Variants in SUN3 observed in about 807,000 individuals in gnomAD.
SUN3 encodes the protein Sad1 and UNC84 domain containing 3, also known as SUN domain-containing protein 3.
A neutral mutation model predicts 48.2 loss-of-function variants in SUN3; 36 were observed. That is an observed-to-expected ratio of 0.75 (90% CI 0.57 to 0.99). The LOEUF (loss-of-function observed/expected upper bound fraction) is 0.99, where lower values mean the gene tolerates loss of function less well. Ranked by LOEUF, SUN3 falls within the 50% of genes least tolerant of loss-of-function variation. The pLI is 0.00. For synonymous variants in SUN3, 148 were observed against 147.9 expected, an observed-to-expected ratio of 1.00 and a Z score of 0.00; for missense variants, 419 against 433.1, an observed-to-expected ratio of 0.97 and a Z score of 0.29.
At chr7:48,005,492 T>C (rs1164825488) in intron 6 of SUN3, among the ~76,000 whole-genome samples, 2 of 152,180 alleles carry the variant, frequency 1.3e-5, no homozygotes, top group Non-Finnish European at 2.9e-5. Flanking sequence ...CCATAGACTA[T>C]TATAGGCAGG....
At chr7:47,987,987 C>A (rs1368569589) in intron 9 of SUN3, among the ~76,000 whole-genome samples, 3 of 152,106 alleles carry the variant, frequency 2.0e-5, no homozygotes, top group Admixed American at 1.3e-4. Flanking sequence ...GCTGTTTCCC[C>A]CCTCTACACT....
intron 6 of SUN3, among the ~76,000 whole-genome samples, chr7:48,004,763 C>G (rs945075521): frequency 2.0e-5 from 3 of 152,238 alleles, no homozygotes; most frequent in African/African-American, 4.8e-5. Flanking sequence ...TGCTGCCTGC[C>G]TCAGCCTAGG....
At chr7:48,021,924 A>G (rs1790008473) in intron 2 of SUN3, among the ~76,000 whole-genome samples, 1 of 152,208 alleles carries the variant, frequency 6.6e-6, no homozygotes, top group South Asian at 2.1e-4. Flanking sequence ...TGTTGGGCAT[A>G]TACCCAAGAT....
intron 8 of SUN3, among the ~76,000 whole-genome samples, chr7:47,989,741 C>A (rs1788999309): frequency 6.6e-6 from 1 of 152,168 alleles, no homozygotes; most frequent in South Asian, 2.1e-4. Flanking sequence ...GCATAAGAGA[C>A]TCCATTTTGT....
chr7:48,004,938 A>C (rs533598888), intron 6 of SUN3, among the ~76,000 whole-genome samples: 36 of 152,288 alleles, frequency 2.4e-4, no homozygotes, highest in African/African-American at 7.2e-4. Context: ...GTTGGAAGAG[A>C]CTTAACAGGC....
chr7:47,988,681 C>CA, intron 9 of SUN3, 107 bp downstream of exon 9: 1 of 627,658 alleles, frequency 1.6e-6, no homozygotes, highest in South Asian at 2.5e-5. Context: ...TTGTGTAACT[C>CA]ACGCTTTTGT....
At chr7:47,994,612 T>A in intron 7 of SUN3, 130 bp from the exon 8 acceptor site, 1 of 886,864 alleles carries the variant, frequency 1.1e-6, no homozygotes, top group Non-Finnish European at 1.6e-6. Flanking sequence ...CCAAGGCACC[T>A]CTAGTGTGGT....
intron 8 of SUN3, among the ~76,000 whole-genome samples, chr7:47,989,657 T>C (rs1004648532): frequency 2.0e-5 from 3 of 152,224 alleles, no homozygotes; most frequent in African/African-American, 7.2e-5. Flanking sequence ...GGTTACATAA[T>C]GTACTCACAA....
intron 6 of SUN3, among the ~76,000 whole-genome samples, chr7:47,998,774 C>T (rs1449250919): frequency 6.6e-6 from 1 of 152,042 alleles, no homozygotes. Flanking sequence ...CCACCTGTTC[C>T]AGCACCACTG....
chr7:48,035,578 A>C, the SUN3 span: 2 of 697,120 alleles, frequency 2.9e-6, no homozygotes, highest in Middle Eastern at 3.2e-4. The surrounding 1 kb of genome is among the most constrained non-coding windows in gnomAD (Gnocchi z 4.0). Context: ...GCCGTGTAAA[A>C]ACTCCAACGC....
At chr7:48,004,957 T>C (rs959334565) in intron 6 of SUN3, among the ~76,000 whole-genome samples, 3 of 152,232 alleles carry the variant, frequency 2.0e-5, no homozygotes, top group Non-Finnish European at 4.4e-5. Context: ...GCTTTCTCTA[T>C]CTTGGCCAAA....
At chr7:48,020,985 A>T (rs931518400) in intron 2 of SUN3, among the ~76,000 whole-genome samples, 1 of 152,184 alleles carries the variant, frequency 6.6e-6, no homozygotes, top group Non-Finnish European at 1.5e-5. Flanking sequence ...ATTCTAAGCA[A>T]AAAGAAGAAA....
chr7:48,034,285 G>T, the SUN3 span, among the ~76,000 whole-genome samples: 1 of 152,140 alleles, frequency 6.6e-6, no homozygotes, highest in Non-Finnish European at 1.5e-5. Context: ...ATAAACCACA[G>T]AATTAGAGTT....
chr7:48,012,569 C>A (rs995909517), intron 3 of SUN3, among the ~76,000 whole-genome samples: 1 of 152,140 alleles, frequency 6.6e-6, no homozygotes, highest in African/African-American at 2.4e-5. Context: ...AACCATATAA[C>A]TTCAAGGTGA....
chr7:48,011,436 A>G (rs1345527320), intron 3 of SUN3, among the ~76,000 whole-genome samples: 1 of 152,218 alleles, frequency 6.6e-6, no homozygotes, highest in African/African-American at 2.4e-5. Flanking sequence ...TTTTGTTCTG[A>G]ACAATTACAC....
Position 48,006,051 on chromosome 7 carries a change from T to G in SUN3, c.495A>C (p.Glu165Asp), listed in dbSNP as rs779389368. The change falls in exon 6 of 10, where the codon GAA becomes GAC. Residue 165 changes from glutamate to aspartate, a missense_variant and splice_region_variant. Transcript: ENST00000297325. Reference sequence around the variant, plus strand: ...GTACATAATTGACCAAGTTTGACACTTCCTGTAGAAATTTTATAAACAGTT... The same window carrying G: ...GTACATAATTGACCAAGTTTGACACGTCCTGTAGAAATTTTATAAACAGTT... ...DPVEDPDHTE[E>D]VSNLVNYVLK... 8 of 1,590,614 alleles carry G rather than the reference T, an allele frequency of 5.0e-6. No homozygotes were observed. Among genetic ancestry groups the G allele is most frequent in the Non-Finnish European group, 6.9e-6 (8 of 1,164,792 alleles).
At chr7:47,994,996 G>A (rs1243711655) in intron 7 of SUN3, among the ~76,000 whole-genome samples, 1 of 152,108 alleles carries the variant, frequency 6.6e-6, no homozygotes, top group Non-Finnish European at 1.5e-5. Flanking sequence ...TAGTGGTGAT[G>A]GTGATTGCAA....
intron 6 of SUN3, 47 bp from the exon 7 acceptor site, chr7:47,996,193 T>C (rs753288311): frequency 1.8e-5 from 18 of 1,019,034 alleles, no homozygotes; most frequent in African/African-American, 1.4e-4. Flanking sequence ...ACATACACAA[T>C]TCAAAACACA....
chr7:48,015,775 G>A (rs1460947660), intron 3 of SUN3, among the ~76,000 whole-genome samples: 1 of 152,158 alleles, frequency 6.6e-6, no homozygotes, highest in African/African-American at 2.4e-5. Context: ...AAAGAGACAA[G>A]ACCTATCCGA....
Sources: gnomAD v4.1 joint callset for allele counts (sites outside exome capture counted in the v4.1 genomes callset) on GRCh38, gnomAD v4.1.1 for gene constraint, Gnocchi (gnomAD v3.1) non-coding constraint, MANE v1.5 for transcripts, NCBI Gene and HGNC (gene_info 2026-07-23, HGNC 2026-07-21) for gene names.